The following UBE2F variants were observed in gnomAD, a reference collection of about 807,000 sequenced individuals.
UBE2F encodes ubiquitin conjugating enzyme E2 F (putative).
Under a neutral mutation model 29.6 loss-of-function variants are expected in UBE2F, and 5 were observed. The ratio of observed to expected loss-of-function variants is 0.17; its 90% CI spans 0.09 to 0.36. UBE2F has a LOEUF of 0.36. UBE2F is among the 10% of genes least tolerant of loss of function. UBE2F has a pLI of 1.00. For synonymous variants in UBE2F, 66 were observed against 81.8 expected, an observed-to-expected ratio of 0.81 and a Z score of 1.04; for missense variants, 141 against 228.5, an observed-to-expected ratio of 0.62 and a Z score of 2.47.
At chr2:238,006,759 CT>C (rs60514924) in intron 4 of UBE2F, among the ~76,000 whole-genome samples, 16,657 of 125,480 alleles carry the variant, frequency 0.13, 1,529 homozygotes, top group African/African-American at 0.29. Flanking sequence ...TTTCTTTTTT[CT>C]TTTTTTTTTT....
chr2:238,001,924 A>G (rs972765150), intron 4 of UBE2F, among the ~76,000 whole-genome samples: 4 of 152,362 alleles, frequency 2.6e-5, no homozygotes, highest in Non-Finnish European at 4.4e-5. Context: ...TCCCTGATAC[A>G]TGATAATAAA....
chr2:237,968,745 A>G (rs1029622554), intron 1 of UBE2F: 63 of 655,390 alleles, frequency 9.6e-5, no homozygotes, highest in Non-Finnish European at 1.2e-4. Flanking sequence ...GGCCAATTAC[A>G]ACTTGTGGAA....
chr2:237,985,512 G>A (rs1468641942), intron 2 of UBE2F, among the ~76,000 whole-genome samples: 2 of 152,190 alleles, frequency 1.3e-5, no homozygotes, highest in Admixed American at 1.3e-4. Context: ...ATTTACCCAT[G>A]TTGTTGCAAA....
intron 4 of UBE2F, among the ~76,000 whole-genome samples, chr2:238,012,566 C>CT (rs2064061563): frequency 1.3e-5 from 2 of 152,326 alleles, no homozygotes; most frequent in Admixed American, 1.3e-4. Context: ...TCACCCAAAG[C>CT]TTGGAGCTCC....
chr2:238,007,148 G>C (rs1013933962), intron 4 of UBE2F, among the ~76,000 whole-genome samples: 2 of 152,020 alleles, frequency 1.3e-5, no homozygotes, highest in Non-Finnish European at 2.9e-5. Flanking sequence ...TCGAGACAGA[G>C]TCTTGCTCTA....
intron 4 of UBE2F, chr2:238,003,541 G>A: frequency 2.9e-6 from 1 of 339,138 alleles, no homozygotes; most frequent in Non-Finnish European, 6.3e-6. Context: ...AGTATGACAT[G>A]AATTGTTTTA....
chr2:238,035,314 G>A (rs1409215979), intron 8 of UBE2F: 2 of 155,090 alleles, frequency 1.3e-5, no homozygotes, highest in East Asian at 3.8e-4. Flanking sequence ...CTTTTCCAGG[G>A]GAGAATGGGT....
At chr2:238,003,566 C>T in intron 4 of UBE2F, 1 of 293,420 alleles carries the variant, frequency 3.4e-6, no homozygotes, top group Non-Finnish European at 7.2e-6. Flanking sequence ...CCATTCATTT[C>T]CATGGGCAAA....
intron 2 of UBE2F, among the ~76,000 whole-genome samples, chr2:237,980,363 T>G (rs561111830): frequency 6.6e-6 from 1 of 152,372 alleles, no homozygotes; most frequent in South Asian, 2.1e-4. Context: ...AAGGCCACCT[T>G]CAAGTTCCTG....
chr2:238,037,487 TCAGCTTA>T (rs2064740179), intron 9 of UBE2F, among the ~76,000 whole-genome samples: 2 of 152,268 alleles, frequency 1.3e-5, no homozygotes, highest in African/African-American at 4.8e-5. Flanking sequence ...TCGAGGTAGC[TCAGCTTA>T]GGCCAGGGGC....
chr2:238,021,872 G>C (rs970646470), intron 5 of UBE2F, among the ~76,000 whole-genome samples: 3 of 152,226 alleles, frequency 2.0e-5, no homozygotes, highest in Admixed American at 6.5e-5. Context: ...GGGCTGTGAG[G>C]TAAGTCTGGG....
At chr2:238,007,961 T>G (rs2063942039) in intron 4 of UBE2F, among the ~76,000 whole-genome samples, 1 of 152,110 alleles carries the variant, frequency 6.6e-6, no homozygotes, top group Non-Finnish European at 1.5e-5. Flanking sequence ...ATTAGTTAAT[T>G]GATTTTTTTT....
intron 3 of UBE2F, chr2:237,990,291 CTTTT>C: frequency 2.5e-6 from 1 of 392,682 alleles, no homozygotes; most frequent in Non-Finnish European, 5.0e-6. Flanking sequence ...ATACTCTTCT[CTTTT>C]ATTAGGACAT....
intron 2 of UBE2F, among the ~76,000 whole-genome samples, chr2:237,984,216 A>C (rs1157686930): frequency 6.6e-6 from 1 of 152,054 alleles, no homozygotes; most frequent in East Asian, 1.9e-4. Context: ...TTTGCTCTGA[A>C]GCCCCCACAC....
chr2:238,032,370 G>A (rs976340947), intron 8 of UBE2F, 116 bp downstream of exon 8: 1 of 899,254 alleles, frequency 1.1e-6, no homozygotes, highest in Non-Finnish European at 1.8e-6. Flanking sequence ...AACATGGACT[G>A]GGCACAGTGG....
intron 3 of UBE2F, among the ~76,000 whole-genome samples, chr2:237,993,027 GCCC>G (rs1275351381): frequency 6.7e-6 from 1 of 149,876 alleles, no homozygotes; most frequent in Non-Finnish European, 1.5e-5. Context: ...TCGCTTTGTT[GCCC>G]AGGCTGGAGG....
intron 6 of UBE2F, among the ~76,000 whole-genome samples, chr2:238,026,595 G>A (rs1195841548): frequency 1.3e-5 from 2 of 152,066 alleles, no homozygotes; most frequent in African/African-American, 2.4e-5. Flanking sequence ...CACTACGCCC[G>A]GCTAATTTTT....
chr2:238,031,242 G>T (rs2064569022), intron 7 of UBE2F, among the ~76,000 whole-genome samples: 1 of 152,200 alleles, frequency 6.6e-6, no homozygotes, highest in South Asian at 2.1e-4. Context: ...CCCTCTGCAG[G>T]TCGTGCCTCT....
chr2:238,019,554 C>T (rs1014260785), intron 5 of UBE2F, among the ~76,000 whole-genome samples: 7 of 150,830 alleles, frequency 4.6e-5, no homozygotes, highest in South Asian at 4.2e-4. Flanking sequence ...TTAGTAGAGA[C>T]GGAGTTTCTC....
Sources: gnomAD v4.1 joint callset for allele counts (sites outside exome capture counted in the v4.1 genomes callset) on GRCh38, gnomAD v4.1.1 for gene constraint, MANE v1.5 for transcripts, NCBI Gene and HGNC (gene_info 2026-07-23, HGNC 2026-07-21) for gene names.